Variants in PCDHGA5 observed in about 807,000 individuals in gnomAD.
PCDHGA5 encodes protocadherin gamma subfamily A, 5.
Under a neutral mutation model 56.7 loss-of-function variants are expected in PCDHGA5, and 36 were observed. That is an observed-to-expected ratio of 0.64 (90% confidence interval 0.49 to 0.84). The LOEUF is 0.84. Ranked by LOEUF, PCDHGA5 falls within the 40% of genes least tolerant of loss-of-function variation. PCDHGA5 has a pLI of 0.00. For synonymous variants in PCDHGA5, 563 were observed against 520.2 expected (o/e 1.08, Z -1.12); for missense variants, 1,305 against 1,201.5 (o/e 1.09, Z -1.27).
chr5:141,370,935 A>T (rs961930132), intron 1 of PCDHGA5: 2 of 1,613,850 alleles, frequency 1.2e-6, no homozygotes, highest in Admixed American at 3.3e-5. Flanking sequence ...CTTCTCTTTG[A>T]TTCAGAAGGA....
chr5:141,398,858 G>C, intron 1 of PCDHGA5: 2 of 1,613,986 alleles, frequency 1.2e-6, no homozygotes, highest in Non-Finnish European at 1.7e-6. Flanking sequence ...GTATTCAACC[G>C]AGACGTGTAC....
Position 141,364,873 on chromosome 5 carries a change from T to A in PCDHGA5, c.543T>A (p.Asp181Glu), listed in dbSNP as rs1002059027. Reference sequence around the variant, plus strand: ...GCTCCAATCTGCACTTCTCTCTGGATGTGGTAAGCGGAACTGATGGACAAA... The same window carrying A: ...GCTCCAATCTGCACTTCTCTCTGGAAGTGGTAAGCGGAACTGATGGACAAA... ...QLSSNLHFSL[D>E]VVSGTDGQKY... Residue 181 changes from aspartate (D) to glutamate (E), a missense_variant, in exon 1 of 4, where the codon GAT becomes GAA. Asp to Glu is a conservative substitution (Grantham distance 45, BLOSUM62 2). Transcript: ENST00000518069. The A allele has an allele frequency of 6.2e-7, 1 of 1,613,852 alleles. No homozygotes were observed. The highest frequency in any genetic ancestry group is 8.5e-7 in the Non-Finnish European group (1 of 1,179,906).
chr5:141,491,898 G>A lies in PCDHGA5; in HGVS notation c.2422-2909G>A, dbSNP rs772673872. 1.6e-5 allele frequency: 23 copies of A among 1,428,816 alleles called. No homozygotes were observed. The highest frequency in any genetic ancestry group is 3.0e-5 in the South Asian group (2 of 66,966). The allele number at this position is 1,428,816 out of a possible 1,614,324, so 88.5% of individuals were successfully genotyped here. A position where few individuals can be genotyped will look rare whatever the true frequency, so the allele number is the denominator to read the frequency against. ...ATTAAGGGATGGGGCTCCGAGCACC[G>A]GGGGTGGTGGCGACTGTGGGCGAGG... On this transcript the variant is annotated intron_variant, in intron 1 of 3. Coordinates refer to ENST00000518069, the MANE Select transcript of PCDHGA5 (RefSeq NM_018918.3). This position sits in a 1 kb window ranked among gnomAD's most constrained non-coding sequence, Gnocchi z 6.9.
intron 1 of PCDHGA5, among the ~76,000 whole-genome samples, chr5:141,434,630 A>G (rs2097706465): frequency 6.6e-6 from 1 of 152,106 alleles, no homozygotes; most frequent in African/African-American, 2.4e-5. Flanking sequence ...CGTTTCCCAT[A>G]AGGGATACTT....
chr5:141,374,761 C>G, intron 1 of PCDHGA5: 3 of 1,613,458 alleles, frequency 1.9e-6, no homozygotes, highest in South Asian at 1.1e-5. Context: ...CAAGCGTCGC[C>G]CAAATTCTGG....
In PCDHGA5 at chr5:141,486,397, G is replaced by T; in HGVS notation, c.2422-8410G>T. 6.2e-7 allele frequency: 1 copy of T among 1,614,164 alleles called. No individual in the cohort carries two copies. Among genetic ancestry groups the T allele is most frequent in the East Asian group, 2.2e-5 (1 of 44,872 alleles). On this transcript the variant is annotated intron_variant, in intron 1 of 3. Coordinates refer to ENST00000518069, the MANE Select transcript of PCDHGA5 (RefSeq NM_018918.3). The surrounding 1 kb of genome is among the most constrained non-coding windows in gnomAD (Gnocchi z 5.0). ...CCTTCAGGAACCAGTTCTCCCTGGTGACTGCTGGACCCTTGGATCGAGAGG... is the reference window on the plus strand; with the variant it reads ...CCTTCAGGAACCAGTTCTCCCTGGTTACTGCTGGACCCTTGGATCGAGAGG...
At chr5:141,461,817 C>A (rs2099023873) in intron 1 of PCDHGA5, among the ~76,000 whole-genome samples, 1 of 150,844 alleles carries the variant, frequency 6.6e-6, no homozygotes, top group South Asian at 2.1e-4. Flanking sequence ...CCACACCCAG[C>A]TAATTTTTTT....
intron 2 of PCDHGA5, among the ~76,000 whole-genome samples, chr5:141,500,948 A>G (rs1055841985): frequency 1.8e-4 from 28 of 151,592 alleles, no homozygotes; most frequent in Non-Finnish European, 4.4e-5. Context: ...GGCTCACTGC[A>G]AGCTCCACCT....
rs956263164 is a variant in PCDHGA5 at position 141,511,304 on chromosome 5, C to G, written c.*131C>G. The G allele has an allele frequency of 3.3e-5, 49 of 1,490,320 alleles. No homozygotes were observed. The highest frequency in any genetic ancestry group is 4.2e-5 in the African/African-American group (3 of 71,286). The allele number at this position is 1,490,320 out of a possible 1,614,324, so 92.3% of individuals were successfully genotyped here. ...TGGTAGGGGCCAAGGCCATGCTCCC[C>G]TTGGGAAACAGAAACAAGTGCCCAG... On this transcript the variant is annotated 3_prime_UTR_variant, in exon 4 of 4. Coordinates refer to ENST00000518069, the MANE Select transcript of PCDHGA5 (RefSeq NM_018918.3).
intron 1 of PCDHGA5, chr5:141,424,083 C>T (rs2096798692): frequency 4.2e-6 from 4 of 957,190 alleles, no homozygotes; most frequent in Non-Finnish European, 5.1e-6. Flanking sequence ...TATATTCCAC[C>T]ATTATTTGCT....
Position 141,373,957 on chromosome 5 carries a change from C to A in PCDHGA5, c.2421+7206C>A, listed in dbSNP as rs114705983. ...CAGGAAAGCTGTGCAGAAATTCTGA[C>A]CTGAAACGCTTCGCATCCGGTCTCT... On this transcript the variant is annotated intron_variant, in intron 1 of 3. Coordinates refer to ENST00000518069, the MANE Select transcript of PCDHGA5 (RefSeq NM_018918.3). 3.8e-3 allele frequency: 3,425 copies of A among 890,772 alleles called. 11 individuals carry two copies. Among genetic ancestry groups the A allele is most frequent in the Non-Finnish European group, 4.4e-3 (2,783 of 626,468 alleles). The allele number at this position is 890,772 out of a possible 1,614,324, so 55.2% of individuals were successfully genotyped here.
chr5:141,483,303 T>A (rs1222660132), intron 1 of PCDHGA5, among the ~76,000 whole-genome samples: 1 of 152,146 alleles, frequency 6.6e-6, no homozygotes, highest in Non-Finnish European at 1.5e-5. Context: ...GTGAAGGGAC[T>A]GGGGACATTG....
Position 141,477,403 on chromosome 5 carries a change from C to T in PCDHGA5, c.2422-17404C>T, listed in dbSNP as rs1329599078. 2 of 1,614,164 alleles carry T rather than the reference C, an allele frequency of 1.2e-6. No individual in the cohort carries two copies. Among genetic ancestry groups the T allele is most frequent in the Non-Finnish European group, 1.7e-6 (2 of 1,180,042 alleles). ...CAGAATACAACCTCAGCATCACCGC[C>T]CGAGACGCCGGAACCCCTTCCCTCT... is the stretch of plus-strand genomic sequence containing the variant. On this transcript the variant is annotated intron_variant, in intron 1 of 3. Transcript: ENST00000518069. The surrounding 1 kb of genome is among the most constrained non-coding windows in gnomAD (Gnocchi z 4.9).
intron 1 of PCDHGA5, chr5:141,376,399 G>C (rs764497807): frequency 6.2e-7 from 1 of 1,614,182 alleles, no homozygotes; most frequent in South Asian, 1.1e-5. Flanking sequence ...TTTTCCCCCA[G>C]CCCAACTATG....
rs1011341002 is a variant in PCDHGA5, at chr5:141,476,141, G to T, written c.2422-18666G>T. 1 of 1,610,048 alleles carries T rather than the reference G, an allele frequency of 6.2e-7. No individual in the cohort carries two copies. The highest frequency in any genetic ancestry group is 2.2e-5 in the East Asian group (1 of 44,844). On this transcript the variant is annotated intron_variant, in intron 1 of 3. Coordinates refer to ENST00000518069, the MANE Select transcript of PCDHGA5 (RefSeq NM_018918.3). The surrounding 1 kb of genome is among the most constrained non-coding windows in gnomAD (Gnocchi z 7.6). ...GATGGTCCCAGAGGCCTGGAGGAGC[G>T]GACTGGTAAGCACCGGGAGGGTAGT...
Position 141,364,712 on chromosome 5 carries a change from G to T in PCDHGA5, c.382G>T (p.Asp128Tyr). ...GVEVEIIDIN[D>Y]NFPRFRDEEL... The stretch of plus-strand genomic sequence containing the variant: ...AGAAGTAGAAATAATCGATATTAAT[G>T]ATAACTTCCCGCGTTTCCGGGATGA... Residue 128 changes from aspartate to tyrosine, a missense_variant, in exon 1 of 4, where the codon GAT (aspartate) becomes TAT (tyrosine). By Grantham distance (160) the Asp-to-Tyr change is radical. Transcript: ENST00000518069. 6.2e-7 allele frequency: 1 copy of T among 1,613,952 alleles called. No homozygotes were observed. The highest frequency in any genetic ancestry group is 1.6e-4 in the Middle Eastern group (1 of 6,062).
At chr5:141,462,035 C>T (rs35674654) in intron 1 of PCDHGA5, among the ~76,000 whole-genome samples, 14,886 of 152,176 alleles carry the variant, frequency 0.098, 964 homozygotes, top group Non-Finnish European at 0.14. Context: ...GTTGGTCAGG[C>T]GGGTCTTGAA....
At chr5:141,426,517 A>G (rs893782433) in intron 1 of PCDHGA5, 5 of 343,020 alleles carry the variant, frequency 1.5e-5, no homozygotes, top group African/African-American at 2.1e-5. Context: ...CTTTACCGTG[A>G]ACACGGAGAA....
At chr5:141,383,138 G>A (rs538619604) in intron 1 of PCDHGA5, 56 of 1,614,132 alleles carry the variant, frequency 3.5e-5, no homozygotes, top group Admixed American at 2.7e-4. Flanking sequence ...CTGAACCAGC[G>A]CAGCGGCAGC....
Sources: allele counts gnomAD v4.1 joint callset (sites outside exome capture counted in the v4.1 genomes callset), GRCh38; gene constraint gnomAD v4.1.1; non-coding constraint Gnocchi (gnomAD v3.1); transcripts MANE v1.5; gene names NCBI Gene and HGNC (gene_info 2026-07-23, HGNC 2026-07-21).